Variants in DGKI observed in about 807,000 individuals in gnomAD.
DGKI encodes diacylglycerol kinase iota.
Under a neutral mutation model 147.5 loss-of-function variants are expected in DGKI, and 55 were observed. The ratio of observed to expected loss-of-function variants is 0.37; its 90% confidence interval spans 0.30 to 0.47. The LOEUF (loss-of-function observed/expected upper bound fraction) is 0.47. Among genes scored for constraint, DGKI ranks in the 20% least tolerant of loss-of-function variants. DGKI has a pLI of 1.00. For missense variants in DGKI, 1,007 were observed against 1,323.8 expected (o/e 0.76, Z 3.71); for synonymous variants, 469 against 477.1 (o/e 0.98, Z 0.22).
intron 3 of DGKI, among the ~76,000 whole-genome samples, chr7:137,677,307 G>A (rs1823068762): frequency 6.6e-6 from 1 of 152,082 alleles, no homozygotes; most frequent in South Asian, 2.1e-4. Flanking sequence ...GTTTTAGAAG[G>A]TAGCCAAGGC....
At chr7:137,418,450 C>A (rs1225737392) in intron 28 of DGKI, among the ~76,000 whole-genome samples, 1 of 152,052 alleles carries the variant, frequency 6.6e-6, no homozygotes, top group African/African-American at 2.4e-5. Flanking sequence ...GAAGGGATGG[C>A]TTAAGGTTGT....
intron 1 of DGKI, among the ~76,000 whole-genome samples, chr7:137,837,997 CTTT>C (rs777963342): frequency 2.7e-5 from 3 of 109,808 alleles, no homozygotes; most frequent in Non-Finnish European, 1.8e-5. Flanking sequence ...AAGGGAGAAA[CTTT>C]TTTTTTTTTT....
intron 2 of DGKI, among the ~76,000 whole-genome samples, chr7:137,682,505 A>G (rs1302640070): frequency 1.3e-5 from 2 of 152,162 alleles, no homozygotes; most frequent in Non-Finnish European, 1.5e-5. Flanking sequence ...TAAAACAAGA[A>G]GTTAATAGAT....
intron 10 of DGKI, among the ~76,000 whole-genome samples, chr7:137,603,278 A>T (rs991717515): frequency 1.3e-5 from 2 of 152,208 alleles, no homozygotes; most frequent in Non-Finnish European, 2.9e-5. Context: ...CAAATAGCTC[A>T]TCAATCTTCA....
intron 29 of DGKI, among the ~76,000 whole-genome samples, chr7:137,411,250 G>GGGGGTTTGCAT (rs1812151923): frequency 6.6e-6 from 1 of 152,156 alleles, no homozygotes; most frequent in South Asian, 2.1e-4. Context: ...GGGGTTTGCA[G>GGGGGTTTGCAT]GGGCATATGG....
At chr7:137,438,404 C>T (rs190851268) in intron 28 of DGKI, among the ~76,000 whole-genome samples, 1 of 152,152 alleles carries the variant, frequency 6.6e-6, no homozygotes, top group Non-Finnish European at 1.5e-5. Flanking sequence ...ACAAGACTAG[C>T]AAACATTTTT....
At chr7:137,572,622 A>C in intron 18 of DGKI, 143 bp downstream of exon 18, 1 of 603,100 alleles carries the variant, frequency 1.7e-6, no homozygotes, top group Non-Finnish European at 2.9e-6. Flanking sequence ...TCGGAGAATG[A>C]ATTATCAGAC....
chr7:137,473,944 A>G (rs1815077338), intron 23 of DGKI, among the ~76,000 whole-genome samples: 1 of 152,186 alleles, frequency 6.6e-6, no homozygotes, highest in South Asian at 2.1e-4. Context: ...TGACAATTAA[A>G]CTTCAATTTT....
intron 2 of DGKI, among the ~76,000 whole-genome samples, chr7:137,682,736 C>T (rs1823281717): frequency 6.6e-6 from 1 of 152,190 alleles, no homozygotes; most frequent in African/African-American, 2.4e-5. Flanking sequence ...AACAGTGAAA[C>T]AGAGCAGAAA....
chr7:137,831,866 A>G (rs1317161967), intron 1 of DGKI, among the ~76,000 whole-genome samples: 1 of 152,242 alleles, frequency 6.6e-6, no homozygotes, highest in African/African-American at 2.4e-5. Context: ...TCCTAGGTAC[A>G]ATGGGGATAC....
At chr7:137,556,765 T>C (rs1723108) in intron 19 of DGKI, among the ~76,000 whole-genome samples, 24,735 of 152,168 alleles carry the variant, frequency 0.16, 4,266 homozygotes, top group African/African-American at 0.43. Context: ...ACCAATTCAA[T>C]GTAATTCAAA....
chr7:137,669,821 C>T (rs1822777871), intron 3 of DGKI, among the ~76,000 whole-genome samples: 2 of 152,136 alleles, frequency 1.3e-5, no homozygotes, highest in African/African-American at 2.4e-5. Context: ...TAGAAGTGAA[C>T]AACCCAACCC....
intron 1 of DGKI, chr7:137,722,104 G>C: frequency 6.3e-7 from 1 of 1,598,580 alleles, no homozygotes; most frequent in Non-Finnish European, 8.5e-7. Flanking sequence ...GCCCAAGAAG[G>C]GGAAGCCCCA....
chr7:137,570,924 A>G (rs768287932), intron 19 of DGKI, among the ~76,000 whole-genome samples: 35 of 152,192 alleles, frequency 2.3e-4, no homozygotes, highest in Middle Eastern at 3.2e-3. Context: ...AAAACTTTTC[A>G]TTCTGTTAGA....
chr7:137,581,646 C>T (rs565601683), intron 15 of DGKI, among the ~76,000 whole-genome samples: 1 of 152,086 alleles, frequency 6.6e-6, no homozygotes, highest in South Asian at 2.1e-4. Context: ...CTCAGGGTCC[C>T]ATTTGTCTGA....
chr7:137,534,872 G>C (rs962447787), intron 20 of DGKI, among the ~76,000 whole-genome samples: 1 of 152,102 alleles, frequency 6.6e-6, no homozygotes, highest in African/African-American at 2.4e-5. Flanking sequence ...CTTTACAGAA[G>C]TAATTAAGTT....
At chr7:137,822,103 A>G (rs1442566511) in intron 1 of DGKI, among the ~76,000 whole-genome samples, 1 of 152,148 alleles carries the variant, frequency 6.6e-6, no homozygotes, top group East Asian at 1.9e-4. Context: ...CTATCCACTG[A>G]ATAATAATAA....
intron 1 of DGKI, among the ~76,000 whole-genome samples, chr7:137,761,022 C>T (rs963073976): frequency 1.3e-5 from 2 of 152,144 alleles, no homozygotes; most frequent in African/African-American, 2.4e-5. Context: ...CTCTCAGCAT[C>T]GAAACACAAT....
At position 137,689,958 on chromosome 7, in the gene DGKI, T is replaced by G; in HGVS notation, c.446A>C (p.His149Pro). 6.2e-7 allele frequency: 1 copy of G among 1,610,254 alleles called. No homozygotes were observed. Among genetic ancestry groups the G allele is most frequent in the South Asian group, 1.1e-5 (1 of 90,488 alleles). Residue 149 changes from histidine to proline, a missense_variant, in exon 2 of 33, where the codon CAT becomes CCT. By Grantham distance (77) the His-to-Pro change is moderately conservative (BLOSUM62 -2). This residue lies in a region of DGKI where 259 missense variants were observed against 362.5 expected (regional missense o/e 0.71). Transcript: ENST00000614521. ...RAGLQHLAPA[H>P]PLSLPVANGP... ...ATTTGCCACAGGAAGGCTGAGGGGA[T>G]GTGCAGGAGCCAGATGCTGGAGGCC...
Sources: gnomAD v4.1 joint callset for allele counts (sites outside exome capture counted in the v4.1 genomes callset) on GRCh38, gnomAD v4.1.1 for gene constraint, gnomAD v4.1.1 regional missense constraint, MANE v1.5 for transcripts, NCBI Gene and HGNC (gene_info 2026-07-23, HGNC 2026-07-21) for gene names.